BANP: variants seen among roughly 807,000 people sequenced by gnomAD.
BANP encodes protein BANP.
BANP carries 11 observed loss-of-function variants against 68.1 expected under a neutral mutation model. The observed-to-expected ratio is 0.16, with a 90% CI of 0.10 to 0.27. The LOEUF (loss-of-function observed/expected upper bound fraction) is 0.27. BANP is among the 10% of genes least tolerant of loss of function. The pLI, the probability that BANP is intolerant of heterozygous loss-of-function variation, is 1.00. For synonymous variants in BANP, 329 were observed against 303.2 expected (o/e 1.09, Z -0.88); for missense variants, 504 against 722.7 (o/e 0.70, Z 3.47).
At chr16:88,069,967 C>A (rs989297523) in intron 12 of BANP, among the ~76,000 whole-genome samples, 3 of 152,168 alleles carry the variant, frequency 2.0e-5, no homozygotes, top group South Asian at 2.1e-4. Flanking sequence ...CTCTTCCCCC[C>A]AGCCCCAGTC....
In BANP at chr16:88,071,092, G is replaced by T. The variant is rs2090181421; in HGVS notation, c.1378-977G>T. 1 of 268,644 alleles carries T rather than the reference G, an allele frequency of 3.7e-6. No individual in the cohort carries two copies. The highest frequency in any genetic ancestry group is 7.3e-6 in the Non-Finnish European group (1 of 137,054). The allele number at this position is 268,644 out of a possible 1,614,324, so 16.6% of individuals were successfully genotyped here. A position where few individuals can be genotyped will look rare whatever the true frequency, so the allele number is the denominator to read the frequency against. ...TGTCCAGGGCAGGTCCCACGGAGGG[G>T]ATGCTGCGGCCAGGCTCCGTGGGGT... is the stretch of plus-strand genomic sequence containing the variant. On this transcript the variant is annotated intron_variant, in intron 12 of 13. Coordinates refer to ENST00000682872, the MANE Select transcript of BANP (RefSeq NM_001386991.1). The surrounding 1 kb of genome is among the most constrained non-coding windows in gnomAD (Gnocchi z 6.5).
At chr16:88,063,287 C>T (rs2087436814) in intron 11 of BANP, among the ~76,000 whole-genome samples, 1 of 152,258 alleles carries the variant, frequency 6.6e-6, no homozygotes, top group South Asian at 2.1e-4. Context: ...CCCTCCCCTC[C>T]CCGGTGTGGA....
At chr16:88,074,979 G>A (rs2091269763) in intron 13 of BANP, among the ~76,000 whole-genome samples, 2 of 152,310 alleles carry the variant, frequency 1.3e-5, no homozygotes, top group East Asian at 3.9e-4. Context: ...CGAGGCAGGG[G>A]CGTTGCTTGA....
In BANP at chr16:88,064,645, G is replaced by A. The variant is rs560140566; in HGVS notation, c.1312-622G>A. ...AGGCCTGGGGACCCCTCCTGGACAT[G>A]CCTTCCTCCCTTAAAAAACAACAAC... On this transcript the variant is annotated intron_variant, in intron 11 of 13. Coordinates refer to ENST00000682872, the MANE Select transcript of BANP (RefSeq NM_001386991.1). This position sits in a 1 kb window ranked among gnomAD's most constrained non-coding sequence, Gnocchi z 4.5. Among the ~76,000 whole-genome samples, 3 of 152,356 alleles carry A rather than the reference G, an allele frequency of 2.0e-5. No individual in the cohort carries two copies. In the South Asian group the frequency reaches 6.2e-4, roughly 32 times the overall value.
chr16:88,037,751 C>A (rs1022935805), intron 10 of BANP: 7 of 591,028 alleles, frequency 1.2e-5, no homozygotes, highest in Non-Finnish European at 1.5e-5. Context: ...GAGTACAATG[C>A]TTTTTGAGTT....
intron 1 of BANP, chr16:87,966,917 C>T (rs11117318): frequency 0.64 from 97,246 of 152,302 alleles, 31,440 homozygotes; most frequent in African/African-American, 0.68. Context: ...GCTCCCTGGA[C>T]GGGAGGGGCC....
chr16:88,029,746 C>G (rs2077752533), intron 8 of BANP, among the ~76,000 whole-genome samples: 1 of 152,092 alleles, frequency 6.6e-6, no homozygotes, highest in African/African-American at 2.4e-5. Context: ...GTTAGACAAG[C>G]AACAGCACAG....
At chr16:88,013,231 G>A (rs1280603426) in intron 6 of BANP, among the ~76,000 whole-genome samples, 2 of 152,240 alleles carry the variant, frequency 1.3e-5, no homozygotes, top group Non-Finnish European at 2.9e-5. Context: ...ACGTCTGAGC[G>A]CCTCTCCCGT....
intron 11 of BANP, among the ~76,000 whole-genome samples, chr16:88,046,407 G>A (rs1446271779): frequency 1.3e-5 from 2 of 152,218 alleles, no homozygotes; most frequent in Admixed American, 6.5e-5. Context: ...ATTCTTTCAC[G>A]TGAATTAAAC....
rs535868198 is a variant in BANP at position 88,002,269 on chromosome 16, T to C, written c.363-2026T>C. On this transcript the variant is annotated intron_variant, in intron 4 of 13. Coordinates refer to ENST00000682872, the MANE Select transcript of BANP (RefSeq NM_001386991.1). The surrounding 1 kb of genome is among the most constrained non-coding windows in gnomAD (Gnocchi z 4.6). ...AGTTGTGTGCCAGGGGTCTCAGTGGTCTGTCCTCAGAAACTGTTTTTGATG... is the reference window on the plus strand; with the variant it reads ...AGTTGTGTGCCAGGGGTCTCAGTGGCCTGTCCTCAGAAACTGTTTTTGATG... 6.6e-6 allele frequency among the ~76,000 whole-genome samples: 1 copy of C among 152,232 alleles called. No homozygotes were observed. The highest frequency in any genetic ancestry group is 1.9e-4 in the East Asian group (1 of 5,178).
chr16:87,990,455 C>T (rs767213699), intron 4 of BANP, among the ~76,000 whole-genome samples: 28 of 152,136 alleles, frequency 1.8e-4, no homozygotes, highest in Non-Finnish European at 3.7e-4. Context: ...AGCTAGGCCT[C>T]GTTCTGAGCA....
At chr16:87,952,937 T>G (rs534585247) in intron 1 of BANP, among the ~76,000 whole-genome samples, 160 of 152,220 alleles carry the variant, frequency 1.1e-3, no homozygotes, top group African/African-American at 3.7e-3. Flanking sequence ...CCCCGGCTAA[T>G]TTTTGTATTT....
chr16:88,019,547 TCC>T, intron 7 of BANP, among the ~76,000 whole-genome samples: 6 of 113,236 alleles, frequency 5.3e-5, no homozygotes, highest in Non-Finnish European at 7.2e-5. Flanking sequence ...GCCGGGGGCG[TCC>T]GGGATCTCAG....
rs1009093002 is a variant in BANP, at chr16:88,071,184, C to T, written c.1378-885C>T. The T allele has an allele frequency of 5.1e-5, 17 of 335,492 alleles. No homozygotes were observed. The highest frequency in any genetic ancestry group is 8.8e-5 in the Non-Finnish European group (15 of 171,068). 20.8% of individuals were successfully genotyped at this position (335,492 alleles called of 1,614,324 possible). On this transcript the variant is annotated intron_variant, in intron 12 of 13. Coordinates refer to ENST00000682872, the MANE Select transcript of BANP (RefSeq NM_001386991.1). The surrounding 1 kb of genome is among the most constrained non-coding windows in gnomAD (Gnocchi z 6.5). ...GGTGAGACTCTCAGTGCACAGAGTG[C>T]GGTTCTGTGTGGAGGTGTGGGATGC... is the stretch of plus-strand genomic sequence containing the variant.
intron 8 of BANP, 119 bp downstream of exon 8, chr16:88,027,769 C>A: frequency 8.0e-7 from 1 of 1,253,240 alleles, no homozygotes; most frequent in South Asian, 1.3e-5. Flanking sequence ...GAGCCGAGGC[C>A]AGAGGCTTGC....
At chr16:88,074,026 C>T (rs1052476325) in intron 13 of BANP, among the ~76,000 whole-genome samples, 2 of 152,244 alleles carry the variant, frequency 1.3e-5, no homozygotes, top group Non-Finnish European at 1.5e-5. Context: ...CATCTGAGGC[C>T]AGACAACTGC....
chr16:88,041,689 C>T (rs2080834171), intron 11 of BANP, among the ~76,000 whole-genome samples: 1 of 3,072 alleles, frequency 3.3e-4, no homozygotes, highest in African/African-American at 3.5e-4. Context: ...CACCCGCATC[C>T]TCTGGTTCTT....
At position 88,071,312 on chromosome 16, in the gene BANP, G is replaced by C; in HGVS notation, c.1378-757G>C. On this transcript the variant is annotated intron_variant, in intron 12 of 13. Transcript: ENST00000682872. This position sits in a 1 kb window ranked among gnomAD's most constrained non-coding sequence, Gnocchi z 6.5. ...GGCTGCCCACCCGCCTGCCTGGGCC[G>C]TCTTGACACCGGAGCTGCCTGCCTG... 1 of 369,774 alleles carries C rather than the reference G, an allele frequency of 2.7e-6. No individual in the cohort carries two copies. The highest frequency in any genetic ancestry group is 2.0e-5 in the South Asian group (1 of 49,686). The allele number at this position is 369,774 out of a possible 1,614,324, so 22.9% of individuals were successfully genotyped here.
chr16:87,950,006 TA>T (rs1323293261), upstream of BANP, among the ~76,000 whole-genome samples: 2 of 151,280 alleles, frequency 1.3e-5, no homozygotes, highest in African/African-American at 4.9e-5. Flanking sequence ...GCCTCCCGAG[TA>T]GCTGGGACTA....
Sources: allele counts gnomAD v4.1 joint callset (sites outside exome capture counted in the v4.1 genomes callset), GRCh38; gene constraint gnomAD v4.1.1; non-coding constraint Gnocchi (gnomAD v3.1); transcripts MANE v1.5; gene names NCBI Gene and HGNC (gene_info 2026-07-23, HGNC 2026-07-21).